UBE2D2: variants seen among roughly 807,000 people sequenced by gnomAD.
UBE2D2 encodes the protein ubiquitin conjugating enzyme E2 D2.
UBE2D2 carries 2 observed loss-of-function variants against 24.2 expected under a neutral mutation model. The observed-to-expected ratio is 0.08, with a 90% CI of 0.03 to 0.26. UBE2D2 has a LOEUF of 0.26. UBE2D2 is among the 10% of genes least tolerant of loss of function. The pLI, the probability that UBE2D2 is intolerant of heterozygous loss-of-function variation, is 1.00. For synonymous variants in UBE2D2, 58 were observed against 56.5 expected (o/e 1.03, Z -0.12); for missense variants, 44 against 177.6 (o/e 0.25, Z 4.28).
chr5:139,602,327 C>G (rs1011865088), intron 2 of UBE2D2, among the ~76,000 whole-genome samples: 1 of 152,240 alleles, frequency 6.6e-6, no homozygotes, highest in Non-Finnish European at 1.5e-5. Flanking sequence ...TCTGGAATTA[C>G]AGGCGTGAGC....
In UBE2D2 at chr5:139,562,834, GT is replaced by G. The variant is rs560438077; in HGVS notation, c.24+1027del. Among the ~76,000 whole-genome samples the G allele has an allele frequency of 1.4e-4, 21 of 151,710 alleles. No individual in the cohort carries two copies. The South Asian group carries it at 4.2e-3, about 30-fold the overall frequency. On this transcript the variant is annotated intron_variant, in intron 1 of 6. Transcript: ENST00000398733. ...TGTAACCTCTTAGTGCCACTTTCAT[GT>G]TTTTTTTCTTAGAAGTAGGGAGGCA...
chr5:139,541,086 T>C (rs549028220), intron 1 of UBE2D2, among the ~76,000 whole-genome samples: 2 of 151,458 alleles, frequency 1.3e-5, no homozygotes, highest in South Asian at 2.1e-4. Context: ...TTGTTTGAGG[T>C]CATGAGTTCG....
intron 1 of UBE2D2, among the ~76,000 whole-genome samples, chr5:139,564,354 A>G (rs1239871488): frequency 6.6e-6 from 1 of 151,688 alleles, no homozygotes; most frequent in African/African-American, 2.4e-5. Context: ...GGGTTTCACC[A>G]TGTTGGCCAG....
At chr5:139,620,499 T>C (rs1005958918) in intron 5 of UBE2D2, among the ~76,000 whole-genome samples, 4 of 152,210 alleles carry the variant, frequency 2.6e-5, no homozygotes, top group African/African-American at 9.7e-5. Context: ...TGAAGAGGGC[T>C]TCAGGTGATG....
At chr5:139,549,589 G>A (rs1752879539) in intron 1 of UBE2D2, among the ~76,000 whole-genome samples, 1 of 152,218 alleles carries the variant, frequency 6.6e-6, no homozygotes, top group Non-Finnish European at 1.5e-5. Context: ...GCAGGGCAGG[G>A]CTAGGGATCT....
intron 1 of UBE2D2, among the ~76,000 whole-genome samples, chr5:139,572,055 T>G (rs1042616117): frequency 8.5e-5 from 13 of 152,212 alleles, no homozygotes; most frequent in Admixed American, 8.5e-4. Flanking sequence ...GAATAGTCTA[T>G]TCACTGTTCT....
chr5:139,590,005 T>C (rs1753810897), intron 1 of UBE2D2, among the ~76,000 whole-genome samples: 1 of 152,096 alleles, frequency 6.6e-6, no homozygotes, highest in South Asian at 2.1e-4. Flanking sequence ...AGGATGGTCT[T>C]GATCTCCTGA....
In UBE2D2 at chr5:139,627,681, C is replaced by T. The variant is rs982165491; in HGVS notation, c.*880C>T. 10 of 152,628 alleles carry T rather than the reference C, an allele frequency of 6.6e-5. No homozygotes were observed. The highest frequency in any genetic ancestry group is 2.4e-4 in the African/African-American group (10 of 41,450). The allele number at this position is 152,628 out of a possible 1,614,324, so 9.5% of individuals were successfully genotyped here. A position where few individuals can be genotyped will look rare whatever the true frequency, so the allele number is the denominator to read the frequency against. ...TGTGTAATAAACTGGTTACTACAGTCATTACATATAATTTTGTGTGAATAG... is the reference window on the plus strand; with the variant it reads ...TGTGTAATAAACTGGTTACTACAGTTATTACATATAATTTTGTGTGAATAG... On this transcript the variant is annotated 3_prime_UTR_variant, in exon 7 of 7. Coordinates refer to ENST00000398733, the MANE Select transcript of UBE2D2 (RefSeq NM_003339.3).
intron 1 of UBE2D2, among the ~76,000 whole-genome samples, chr5:139,563,378 A>T (rs1753150727): frequency 6.6e-6 from 1 of 152,192 alleles, no homozygotes; most frequent in South Asian, 2.1e-4. Context: ...ACTAAAATGA[A>T]ATGGTATTTG....
Position 139,623,450 on chromosome 5 carries a change from A to C in UBE2D2, c.387A>C (p.Thr129=). Residue 129 remains threonine (T), a synonymous_variant, in exon 6 of 7, where the codon ACA becomes ACC. Coordinates refer to ENST00000398733, the MANE Select transcript of UBE2D2 (RefSeq NM_003339.3). ...CTGAGATTGCTCGGATCTACAAAAC[A>C]GATAGAGAAAAGTAAGTATGGCCTC... ...LVPEIARIYK[T]DREKYNRIAR... The C allele has an allele frequency of 6.2e-7, 1 of 1,603,104 alleles. No homozygotes were observed. Among genetic ancestry groups the C allele is most frequent in the South Asian group, 1.1e-5 (1 of 90,212 alleles).
At chr5:139,545,419 TTC>T (rs1429175782) in intron 1 of UBE2D2, among the ~76,000 whole-genome samples, 3 of 105,288 alleles carry the variant, frequency 2.8e-5, no homozygotes, top group South Asian at 3.7e-4. Flanking sequence ...ATTTTAAATT[TTC>T]TTTTTTTTTT....
At chr5:139,548,170 AAAAAAAAAAAAAAT>A (rs1752857902) in intron 1 of UBE2D2, among the ~76,000 whole-genome samples, 1 of 123,064 alleles carries the variant, frequency 8.1e-6, no homozygotes, top group Non-Finnish European at 1.8e-5. Context: ...TCTCAAAAAA[AAAAAAAAAAAAAAT>A]AAAAAAAAAA....
chr5:139,561,334 C>G (rs982390548), upstream of UBE2D2: 2 of 155,560 alleles, frequency 1.3e-5, no homozygotes, highest in African/African-American at 4.8e-5. Flanking sequence ...ACCCCGTGCT[C>G]CGACGGCCCC....
intron 2 of UBE2D2, among the ~76,000 whole-genome samples, chr5:139,607,874 A>T (rs1030480762): frequency 2.0e-5 from 3 of 152,002 alleles, no homozygotes; most frequent in African/African-American, 7.3e-5. Context: ...TGAGCAGGAC[A>T]TGGTGACACT....
intron 1 of UBE2D2, among the ~76,000 whole-genome samples, chr5:139,563,732 G>A (rs1753158875): frequency 6.6e-6 from 1 of 152,042 alleles, no homozygotes; most frequent in African/African-American, 2.4e-5. Context: ...GGAGATCGAG[G>A]CCATCCTGGC....
In UBE2D2 at chr5:139,567,529, G is replaced by GTTT. The variant is rs33998713; in HGVS notation, c.24+5734_24+5736dup. Among the ~76,000 whole-genome samples the GTTT allele has an allele frequency of 2.7e-3, 273 of 100,122 alleles. 9 individuals are homozygous for GTTT. The highest frequency in any genetic ancestry group is 6.5e-3 in the African/African-American group (152 of 23,322). The allele number at this position is 100,122 out of a possible 152,430, so 65.7% of individuals were successfully genotyped here. A position where few individuals can be genotyped will look rare whatever the true frequency, so the allele number is the denominator to read the frequency against. On this transcript the variant is annotated intron_variant, in intron 1 of 6. Transcript: ENST00000398733. ...CCACTGCACCCAGCCAATTTGCTAAGTTTTTTTTTTTTTTTTTTTTTTGAG... is the reference window on the plus strand; with the variant it reads ...CCACTGCACCCAGCCAATTTGCTAAGTTTTTTTTTTTTTTTTTTTTTTTTTGAG...
intron 2 of UBE2D2, among the ~76,000 whole-genome samples, chr5:139,606,567 T>G (rs1359960050): frequency 6.6e-6 from 1 of 152,158 alleles, no homozygotes; most frequent in Middle Eastern, 3.2e-3. Flanking sequence ...AACTTTCAGT[T>G]TGTGTAATTT....
rs199706342 is a variant in UBE2D2 at position 139,623,482 on chromosome 5, G to A, written c.398+21G>A. On this transcript the variant is annotated intron_variant, in intron 6 of 6. Transcript: ENST00000398733. ...GAAAAGTAAGTATGGCCTCAAGATG[G>A]AAAGTTATCTGTGGTGGGATGGAGA... The A allele has an allele frequency of 3.8e-6, 6 of 1,575,466 alleles. No homozygotes were observed. In the Admixed American group the frequency reaches 6.7e-5, roughly 18 times the overall value.
At chr5:139,533,973 C>G (rs1016245359) in intron 1 of UBE2D2, among the ~76,000 whole-genome samples, 1 of 151,298 alleles carries the variant, frequency 6.6e-6, no homozygotes, top group African/African-American at 2.4e-5. Flanking sequence ...AGTAGAGACA[C>G]GGTTTCACCA....
Sources: allele counts gnomAD v4.1 joint callset (sites outside exome capture counted in the v4.1 genomes callset), GRCh38; gene constraint gnomAD v4.1.1; transcripts MANE v1.5; gene names NCBI Gene and HGNC (gene_info 2026-07-23, HGNC 2026-07-21).